Variants in ERO1A observed in about 807,000 individuals in gnomAD.
The protein encoded by ERO1A is endoplasmic reticulum oxidoreductase 1 alpha, also known as ERO1-like protein alpha.
In ERO1A, 49 loss-of-function variants were observed where a neutral mutation model predicts 76.9. The observed-to-expected ratio is 0.64, with a 90% CI of 0.51 to 0.81. The LOEUF is 0.81. ERO1A is among the 30% of genes least tolerant of loss of function. ERO1A has a pLI of 0.00. For missense variants in ERO1A, 448 were observed against 542.1 expected (o/e 0.83, Z 1.72); for synonymous variants, 174 against 181.2 (o/e 0.96, Z 0.32).
At chr14:52,654,630 C>T (rs2139653887) in intron 11 of ERO1A, among the ~76,000 whole-genome samples, 1 of 152,180 alleles carries the variant, frequency 6.6e-6, no homozygotes, top group East Asian at 1.9e-4. Context: ...TTTGTAAGTT[C>T]AAGTCAGAGA....
intron 1 of ERO1A, among the ~76,000 whole-genome samples, chr14:52,694,118 T>C (rs150046894): frequency 6.6e-6 from 1 of 152,306 alleles, no homozygotes; most frequent in African/African-American, 2.4e-5. Flanking sequence ...GACATCTTCT[T>C]TCCGTAAAGA....
Position 52,641,984 on chromosome 14 carries a change from C to G in ERO1A, c.*1586G>C, listed in dbSNP as rs2039491059. On this transcript the variant is annotated 3_prime_UTR_variant, in exon 16 of 16. Coordinates refer to ENST00000395686, the MANE Select transcript of ERO1A (RefSeq NM_014584.3). ...AGAAGTATACAGCAGTGTAAACTGA[C>G]ATTTCTTAACCACTATATAAATAAA... 2 of 152,192 alleles carry G rather than the reference C, an allele frequency of 1.3e-5. No homozygotes were observed. The highest frequency in any genetic ancestry group is 6.5e-5 in the Admixed American group (1 of 15,272). 9.4% of individuals were successfully genotyped at this position (152,192 alleles called of 1,614,324 possible).
At chr14:52,682,040 T>G (rs1408305515) in intron 3 of ERO1A, among the ~76,000 whole-genome samples, 1 of 152,168 alleles carries the variant, frequency 6.6e-6, no homozygotes, top group Non-Finnish European at 1.5e-5. Context: ...ATATAAATAT[T>G]GAATGTTATA....
At chr14:52,653,992 A>G (rs769572722) in intron 11 of ERO1A, among the ~76,000 whole-genome samples, 2 of 152,100 alleles carry the variant, frequency 1.3e-5, no homozygotes, top group Non-Finnish European at 2.9e-5. Context: ...GTATGAGTTT[A>G]TACCTGTTTT....
chr14:52,678,291 CAGAA>C (rs1267438729), intron 4 of ERO1A, 139 bp downstream of exon 4: 4 of 537,156 alleles, frequency 7.4e-6, no homozygotes, highest in African/African-American at 1.9e-5. Flanking sequence ...CAAAAACAAA[CAGAA>C]AGAGAGCCAT....
chr14:52,647,403 T>C (rs2039708081), intron 13 of ERO1A, among the ~76,000 whole-genome samples: 1 of 151,820 alleles, frequency 6.6e-6, no homozygotes, highest in South Asian at 2.1e-4. Context: ...ACTATTAAAA[T>C]GCAAAAATAT....
chr14:52,672,785 A>AC (rs1400976527), intron 4 of ERO1A, among the ~76,000 whole-genome samples: 1 of 150,790 alleles, frequency 6.6e-6, no homozygotes, highest in Non-Finnish European at 1.5e-5. Context: ...CCAAAAAAAA[A>AC]AAAAAAAACA....
At chr14:52,665,742 C>A (rs1386256838) in intron 7 of ERO1A, among the ~76,000 whole-genome samples, 1 of 152,128 alleles carries the variant, frequency 6.6e-6, no homozygotes, top group South Asian at 2.1e-4. Context: ...AATGGTTACC[C>A]CGTACAAAGC....
rs760230516 is a variant in ERO1A at position 52,640,336 on chromosome 14, G to C, written c.*3234C>G. ...TATGTCAGGCCTGCAAGATGCATAG[G>C]AATTTTCCAAGTGGGGAAGGATGAC... On this transcript the variant is annotated 3_prime_UTR_variant, in exon 16 of 16. Transcript: ENST00000395686. The C allele has an allele frequency of 6.6e-6, 1 of 152,234 alleles. No individual in the cohort carries two copies. The highest frequency in any genetic ancestry group is 1.5e-5 in the Non-Finnish European group (1 of 68,040). The allele number at this position is 152,234 out of a possible 1,614,324, so 9.4% of individuals were successfully genotyped here.
intron 7 of ERO1A, chr14:52,664,151 T>C (rs1037079170): frequency 1.1e-5 from 2 of 186,882 alleles, no homozygotes; most frequent in Non-Finnish European, 2.2e-5. Flanking sequence ...TTTATATATA[T>C]TATATATACA....
chr14:52,661,920 TAAA>T (rs893785022), intron 8 of ERO1A, among the ~76,000 whole-genome samples: 9 of 151,710 alleles, frequency 5.9e-5, no homozygotes, highest in Non-Finnish European at 1.0e-4. Flanking sequence ...TATATGTTTT[TAAA>T]AAAAAGACAA....
At chr14:52,653,007 A>T in intron 12 of ERO1A, 62 bp downstream of exon 12, 33 of 1,252,758 alleles carry the variant, frequency 2.6e-5, no homozygotes, top group South Asian at 1.3e-4. Flanking sequence ...AAAAAAAAAA[A>T]TTTATCTTGT....
rs2039462225 is a variant in ERO1A, at chr14:52,641,316, AAG to A, written c.*2252_*2253del. 6.6e-6 allele frequency: 1 copy of A among 151,978 alleles called. No homozygotes were observed. The highest frequency in any genetic ancestry group is 1.5e-5 in the Non-Finnish European group (1 of 68,014). The allele number at this position is 151,978 out of a possible 1,614,324, so 9.4% of individuals were successfully genotyped here. On this transcript the variant is annotated 3_prime_UTR_variant, in exon 16 of 16. Transcript: ENST00000395686. ...CAAAAAGATTGGCAGCTAAAAAAAA[AAG>A]AGGCCGGGCGTGGTGGCTCACGCCT... is the stretch of plus-strand genomic sequence containing the variant.
At chr14:52,647,552 T>G (rs1374753528) in intron 13 of ERO1A, among the ~76,000 whole-genome samples, 1 of 152,116 alleles carries the variant, frequency 6.6e-6, no homozygotes, top group Non-Finnish European at 1.5e-5. Flanking sequence ...ATTGTTCCCT[T>G]TTTGTTTTTA....
At chr14:52,681,513 G>C (rs1175267910) in intron 3 of ERO1A, among the ~76,000 whole-genome samples, 3 of 152,130 alleles carry the variant, frequency 2.0e-5, no homozygotes, top group African/African-American at 7.2e-5. Context: ...TGGGGCAGGA[G>C]AATCGCTTGA....
chr14:52,656,586 C>T (rs533796593), intron 11 of ERO1A, among the ~76,000 whole-genome samples: 1 of 151,898 alleles, frequency 6.6e-6, no homozygotes, highest in East Asian at 1.9e-4. Flanking sequence ...GTGGCATGCA[C>T]CTGTGGTCCC....
rs561750574 is a variant in ERO1A, at chr14:52,671,953, C to G, written c.358-82G>C. On this transcript the variant is annotated intron_variant, in intron 4 of 15. Transcript: ENST00000395686. Reference sequence around the variant, plus strand: ...TAAAATTTAGAAGTTATCTGAAGCTCTTTTTATTTTTTTTATTTTTCCAAT... The same window carrying G: ...TAAAATTTAGAAGTTATCTGAAGCTGTTTTTATTTTTTTTATTTTTCCAAT... 29 of 975,514 alleles carry G rather than the reference C, an allele frequency of 3.0e-5. No individual in the cohort carries two copies. The African/African-American group carries it at 4.0e-4, about 13-fold the overall frequency. The allele number at this position is 975,514 out of a possible 1,614,324, so 60.4% of individuals were successfully genotyped here.
intron 6 of ERO1A, among the ~76,000 whole-genome samples, 176 bp from the exon 7 acceptor site, chr14:52,666,671 C>T (rs993208222): frequency 6.6e-6 from 1 of 152,214 alleles, no homozygotes; most frequent in Non-Finnish European, 1.5e-5. Flanking sequence ...TGCCTCACAC[C>T]TGTAATCCCA....
intron 1 of ERO1A, among the ~76,000 whole-genome samples, chr14:52,684,150 C>CACACAG (rs879218530): frequency 4.2e-3 from 592 of 139,380 alleles, no homozygotes; most frequent in South Asian, 0.012. Flanking sequence ...CACACACACA[C>CACACAG]AGAGAGAGTT....
Sources: allele counts gnomAD v4.1 joint callset (sites outside exome capture counted in the v4.1 genomes callset), GRCh38; gene constraint gnomAD v4.1.1; transcripts MANE v1.5; gene names NCBI Gene and HGNC (gene_info 2026-07-23, HGNC 2026-07-21).